Variants in MMP26 observed in about 807,000 individuals in gnomAD.
MMP26 encodes the protein matrix metalloproteinase-26.
Under a neutral mutation model 31.0 loss-of-function variants are expected in MMP26, and 33 were observed. The ratio of observed to expected loss-of-function variants is 1.06; its 90% CI spans 0.81 to 1.42. The LOEUF is 1.42. Ranked by LOEUF, MMP26 falls within the 40% of genes most tolerant of loss-of-function variation. MMP26 has a pLI of 0.00. For missense variants in MMP26, 347 were observed against 316.1 expected (o/e 1.10, Z -0.74); for synonymous variants, 122 against 114.9 (o/e 1.06, Z -0.40).
chr11:4,791,025 A>G (rs985973788), intron 2 of MMP26, among the ~76,000 whole-genome samples: 1 of 152,140 alleles, frequency 6.6e-6, no homozygotes, highest in Non-Finnish European at 1.5e-5. Flanking sequence ...ATATTCCAAC[A>G]TCCTGCTTGT....
intron 4 of MMP26, 146 bp downstream of exon 4, chr11:4,990,014 A>G: frequency 1.6e-6 from 1 of 629,886 alleles, no homozygotes; most frequent in Non-Finnish European, 2.8e-6. Flanking sequence ...AGAGAAGGTA[A>G]TACTACCAGA....
intron 2 of MMP26, chr11:4,863,495 G>A (rs763306425): frequency 6.6e-6 from 1 of 151,980 alleles, no homozygotes; most frequent in Non-Finnish European, 1.5e-5. Flanking sequence ...ATTCTCATCT[G>A]TCCTTATAAC....
chr11:4,814,905 C>T (rs1420746195), intron 2 of MMP26, among the ~76,000 whole-genome samples: 8 of 152,302 alleles, frequency 5.3e-5, no homozygotes, highest in South Asian at 2.1e-4. Flanking sequence ...AGGTTAAGAA[C>T]GCACCCGTGG....
At chr11:4,737,504 G>A (rs866444612) in intron 1 of MMP26, among the ~76,000 whole-genome samples, 23 of 152,112 alleles carry the variant, frequency 1.5e-4, no homozygotes, top group African/African-American at 4.8e-4. Flanking sequence ...TTAGCCTGGC[G>A]TGGTGGTGCA....
intron 2 of MMP26, among the ~76,000 whole-genome samples, chr11:4,916,710 A>G (rs748612298): frequency 6.6e-6 from 1 of 152,184 alleles, no homozygotes; most frequent in Non-Finnish European, 1.5e-5. Flanking sequence ...AGAGTATGTG[A>G]ATGATGACCT....
At chr11:4,943,808 T>C (rs565719488) in intron 2 of MMP26, 10 of 433,204 alleles carry the variant, frequency 2.3e-5, no homozygotes, top group African/African-American at 4.1e-5. Flanking sequence ...ACCTCCCCCA[T>C]TGAGATTTAT....
At chr11:4,773,486 T>C (rs1354316701) in intron 2 of MMP26, among the ~76,000 whole-genome samples, 3 of 152,022 alleles carry the variant, frequency 2.0e-5, no homozygotes, top group African/African-American at 7.3e-5. Flanking sequence ...CTTGGAAGGA[T>C]AGCCTTCCAC....
At chr11:4,871,182 C>A (rs1453007359) in intron 2 of MMP26, among the ~76,000 whole-genome samples, 1 of 151,978 alleles carries the variant, frequency 6.6e-6, no homozygotes, top group African/African-American at 2.4e-5. Flanking sequence ...TAGCAATAAG[C>A]AGATTATTGG....
intron 2 of MMP26, among the ~76,000 whole-genome samples, chr11:4,986,233 A>G (rs1846884645): frequency 6.6e-6 from 1 of 152,128 alleles, no homozygotes; most frequent in Non-Finnish European, 1.5e-5. Flanking sequence ...TTTATACTAT[A>G]TTTTAATCTA....
At chr11:4,821,388 G>T (rs1249729698) in intron 2 of MMP26, 12 of 1,611,058 alleles carry the variant, frequency 7.4e-6, no homozygotes, top group South Asian at 2.2e-5. Flanking sequence ...TATGTTAAAT[G>T]ACTGAAACAT....
chr11:4,923,615 G>A (rs372826726), intron 2 of MMP26: 1 of 1,614,044 alleles, frequency 6.2e-7, no homozygotes, highest in African/African-American at 1.3e-5. Flanking sequence ...AGAGACACAG[G>A]TGTTGAGGGC....
chr11:4,750,132 G>C (rs2133299967), intron 1 of MMP26, among the ~76,000 whole-genome samples: 1 of 152,194 alleles, frequency 6.6e-6, no homozygotes, highest in South Asian at 2.1e-4. Flanking sequence ...GACATTAACA[G>C]ACAGTTTTCT....
chr11:4,894,249 A>G (rs1309689879), intron 2 of MMP26, among the ~76,000 whole-genome samples: 3 of 152,158 alleles, frequency 2.0e-5, no homozygotes, highest in African/African-American at 7.2e-5. Context: ...ACATGGTAGT[A>G]TTATTCCTGA....
intron 2 of MMP26, chr11:4,848,388 G>A (rs775998313): frequency 7.4e-6 from 12 of 1,613,880 alleles, no homozygotes; most frequent in Middle Eastern, 3.3e-4. Flanking sequence ...CTGAGTGATT[G>A]GCAGCTCAGG....
intron 2 of MMP26, among the ~76,000 whole-genome samples, chr11:4,975,078 C>A (rs1846719066): frequency 6.6e-6 from 1 of 151,946 alleles, no homozygotes; most frequent in Admixed American, 6.5e-5. Context: ...ATGTGACAAA[C>A]CTGCATGTCC....
intron 2 of MMP26, chr11:4,877,127 C>T (rs1321828389): frequency 6.6e-6 from 1 of 152,294 alleles, no homozygotes; most frequent in Admixed American, 6.5e-5. Flanking sequence ...TGAGGCTTGC[C>T]TGTGCTGACA....
At chr11:4,835,225 CACACACACAT>C (rs1048976344) in intron 2 of MMP26, among the ~76,000 whole-genome samples, 2 of 151,686 alleles carry the variant, frequency 1.3e-5, no homozygotes, top group African/African-American at 4.8e-5. Context: ...CACACACACA[CACACACACAT>C]ACACACACGA....
At chr11:4,793,263 G>A (rs1246629862) in intron 2 of MMP26, among the ~76,000 whole-genome samples, 8 of 152,070 alleles carry the variant, frequency 5.3e-5, no homozygotes. Context: ...GTTCTTTACT[G>A]TGAGAACTCA....
intron 2 of MMP26, among the ~76,000 whole-genome samples, chr11:4,824,216 T>A (rs933047668): frequency 6.6e-6 from 1 of 152,100 alleles, no homozygotes; most frequent in Non-Finnish European, 1.5e-5. Flanking sequence ...TGACTTCCCA[T>A]CATATGGCTG....
Sources: gnomAD v4.1 joint callset for allele counts (sites outside exome capture counted in the v4.1 genomes callset) on GRCh38, gnomAD v4.1.1 for gene constraint, MANE v1.5 for transcripts, NCBI Gene and HGNC (gene_info 2026-07-23, HGNC 2026-07-21) for gene names.